RPGRIP1: variants seen among roughly 807,000 people sequenced by gnomAD.
RPGRIP1 encodes RPGR interacting protein 1.
A neutral mutation model predicts 157.9 loss-of-function variants in RPGRIP1; 128 were observed. That is an observed-to-expected ratio of 0.81 (90% confidence interval 0.70 to 0.94). RPGRIP1 has a LOEUF of 0.94. RPGRIP1 is among the 40% of genes least tolerant of loss of function. RPGRIP1 has a pLI of 0.00. For missense variants in RPGRIP1, 1,486 were observed against 1,545.8 expected (o/e 0.96, Z 0.65); for synonymous variants, 554 against 571.6 (o/e 0.97, Z 0.44).
rs768968296 is a variant in RPGRIP1, at chr14:21,326,137, C to G, written c.2674C>G (p.Pro892Ala). 7 of 1,584,758 alleles carry G rather than the reference C, an allele frequency of 4.4e-6. No individual in the cohort carries two copies. In the Admixed American group the frequency reaches 1.1e-4, roughly 24 times the overall value. Residue 892 changes from proline to alanine, a missense_variant, in exon 17 of 25, where the codon CCT becomes GCT. Physicochemically the swap from Pro to Ala is conservative, Grantham distance 27. Transcript: ENST00000400017. ...CTCGTATCTTGGCCGAGCCCGAGTG[C>G]CTTTACTGCCTCTTGCAAAAAATGA... The part of the protein sequence containing the change: ...PGSYLGRARV[P>A]LLPLAKNESI...
Position 21,348,296 on chromosome 14 carries a change from C to A in RPGRIP1, c.3742C>A (p.Leu1248Ile). The A allele has an allele frequency of 2.6e-6, 4 of 1,565,646 alleles. No individual in the cohort carries two copies. Among genetic ancestry groups the A allele is most frequent in the Non-Finnish European group, 3.4e-6 (4 of 1,160,078 alleles). Residue 1248 changes from leucine to isoleucine, a missense_variant, in exon 24 of 25, where the codon CTA (leucine) becomes ATA (isoleucine). By Grantham distance (5) the Leu-to-Ile change is conservative. Coordinates refer to ENST00000400017, the MANE Select transcript of RPGRIP1 (RefSeq NM_020366.4). Reference sequence around the variant, plus strand: ...AGGAAGAGATATTCTAGAGCAAGAGCTAGACAGTGAGTCATTTTTTTTTCA... The same window carrying A: ...AGGAAGAGATATTCTAGAGCAAGAGATAGACAGTGAGTCATTTTTTTTTCA... The part of the protein sequence containing the change: ...ESGRDILEQE[L>I]DIVSPEDLAT...
At position 21,348,289 on chromosome 14, in the gene RPGRIP1, G is replaced by A. The variant is rs1885769900; in HGVS notation, c.3735G>A (p.Glu1245=). 7.6e-6 allele frequency: 12 copies of A among 1,579,784 alleles called. No homozygotes were observed. The highest frequency in any genetic ancestry group is 9.4e-6 in the Non-Finnish European group (11 of 1,164,796). The part of the protein sequence containing the change: ...QILESGRDIL[E]QELDIVSPED... ...TGGAGTCAGGAAGAGATATTCTAGA[G>A]CAAGAGCTAGACAGTGAGTCATTTT... Residue 1245 remains glutamate, a synonymous_variant, in exon 24 of 25, where the codon GAG becomes GAA. Coordinates refer to ENST00000400017, the MANE Select transcript of RPGRIP1 (RefSeq NM_020366.4).
intron 11 of RPGRIP1, chr14:21,318,170 G>A (rs1184001499): frequency 3.0e-5 from 15 of 497,972 alleles, no homozygotes; most frequent in African/African-American, 9.6e-5. Flanking sequence ...GCAATGGCAC[G>A]ATTTCAGCTC....
intron 11 of RPGRIP1, chr14:21,318,301 G>T: frequency 3.0e-6 from 1 of 329,202 alleles, no homozygotes; most frequent in East Asian, 8.9e-5. Context: ...TAGTAGAGAT[G>T]GGGTTTTACC....
chr14:21,328,125 C>T (rs537007989), intron 18 of RPGRIP1, among the ~76,000 whole-genome samples: 15 of 152,018 alleles, frequency 9.9e-5, no homozygotes, highest in African/African-American at 2.2e-4. Context: ...GCCGAGATCA[C>T]GCCATTGCAC....
chr14:21,285,798 G>T (rs185640730), intron 1 of RPGRIP1, among the ~76,000 whole-genome samples: 6 of 152,012 alleles, frequency 3.9e-5, no homozygotes, highest in Admixed American at 3.9e-4. Flanking sequence ...GTAATGAAAA[G>T]CCATTTGGAG....
intron 3 of RPGRIP1, among the ~76,000 whole-genome samples, chr14:21,296,965 A>T (rs1880810100): frequency 6.6e-6 from 1 of 152,094 alleles, no homozygotes; most frequent in Non-Finnish European, 1.5e-5. Context: ...AAAAAAAAAA[A>T]AAAGTATTAA....
At chr14:21,290,492 A>C (rs1880478954) in intron 2 of RPGRIP1, among the ~76,000 whole-genome samples, 1 of 152,176 alleles carries the variant, frequency 6.6e-6, no homozygotes, top group African/African-American at 2.4e-5. Flanking sequence ...TGGTCAGAAC[A>C]GTGAAAACCC....
chr14:21,303,540 T>C lies in RPGRIP1; in HGVS notation c.797T>C (p.Leu266Pro). ...GAGTGTGCTCAGAAGGCTGCAGAGC[T>C]TCGGTAAGAGTGTGGCACTCCATGC... is the stretch of plus-strand genomic sequence containing the variant. The part of the protein sequence containing the change: ...SLECAQKAAE[L>P]RASIKEKVEL... The change falls in exon 6 of 25, where the codon CTT becomes CCT. Residue 266 changes from leucine to proline, a missense_variant. Coordinates refer to ENST00000400017, the MANE Select transcript of RPGRIP1 (RefSeq NM_020366.4). 1 of 1,612,712 alleles carries C rather than the reference T, an allele frequency of 6.2e-7. No individual in the cohort carries two copies. Among genetic ancestry groups the C allele is most frequent in the Non-Finnish European group, 8.5e-7 (1 of 1,179,128 alleles).
chr14:21,285,761 A>T (rs1205085664), intron 1 of RPGRIP1, among the ~76,000 whole-genome samples: 1 of 151,870 alleles, frequency 6.6e-6, no homozygotes. Flanking sequence ...CAGGCCCTGG[A>T]AAAAAAGTGT....
intron 1 of RPGRIP1, among the ~76,000 whole-genome samples, chr14:21,287,136 G>T (rs1248217199): frequency 6.6e-6 from 1 of 152,144 alleles, no homozygotes; most frequent in Non-Finnish European, 1.5e-5. Context: ...GGTGGCTCAC[G>T]CCTGTAATCC....
chr14:21,328,484 C>A lies in RPGRIP1; in HGVS notation c.2956C>A (p.Pro986Thr), dbSNP rs1394197890. 5 of 1,613,744 alleles carry A rather than the reference C, an allele frequency of 3.1e-6. No homozygotes were observed. The Admixed American group carries it at 8.3e-5, about 27-fold the overall frequency. Residue 986 changes from proline (P) to threonine (T), a missense_variant, in exon 19 of 25, where the codon CCT becomes ACT. Coordinates refer to ENST00000400017, the MANE Select transcript of RPGRIP1 (RefSeq NM_020366.4). ...TGGCCAGTATCGATCTAAGAGAAAA[C>A]CTCCTCATGGGGGAGAAAGAAAGGA... ...EAGQYRSKRK[P>T]PHGGERKEKE...
intron 5 of RPGRIP1, 24 bp from the exon 6 acceptor site, chr14:21,303,307 T>G (rs770896902): frequency 6.4e-7 from 1 of 1,564,112 alleles, no homozygotes; most frequent in Non-Finnish European, 8.8e-7. Context: ...AACAACAGTT[T>G]CTAAGTATCC....
At chr14:21,281,259 T>C (rs1023670385) in intron 1 of RPGRIP1, among the ~76,000 whole-genome samples, 1 of 152,134 alleles carries the variant, frequency 6.6e-6, no homozygotes, top group Non-Finnish European at 1.5e-5. Context: ...CTTGATCTTG[T>C]GATCTGCCCG....
rs760211909 is a variant in RPGRIP1 at position 21,303,485 on chromosome 14, G to C, written c.742G>C (p.Asp248His). The part of the protein sequence containing the change: ...PKSPEKMWPK[D>H]ENFEQRSSLE... Reference sequence around the variant, plus strand: ...GTCTCCTGAGAAAATGTGGCCTAAAGATGAAAATTTTGAACAGAGAAGCTC... The same window carrying C: ...GTCTCCTGAGAAAATGTGGCCTAAACATGAAAATTTTGAACAGAGAAGCTC... Residue 248 changes from aspartate to histidine, a missense_variant, in exon 6 of 25, where the codon GAT becomes CAT. Asp to His is a moderately conservative substitution (Grantham distance 81). Coordinates refer to ENST00000400017, the MANE Select transcript of RPGRIP1 (RefSeq NM_020366.4). 3.1e-6 allele frequency: 5 copies of C among 1,613,946 alleles called. No individual in the cohort carries two copies. Among genetic ancestry groups the C allele is most frequent in the Non-Finnish European group, 4.2e-6 (5 of 1,179,892 alleles).
At chr14:21,299,492 G>A (rs972801389) in intron 3 of RPGRIP1, among the ~76,000 whole-genome samples, 1 of 151,992 alleles carries the variant, frequency 6.6e-6, no homozygotes, top group Non-Finnish European at 1.5e-5. Context: ...TTTACACCTT[G>A]TTTTCTTTAT....
chr14:21,297,414 C>T (rs1484668333), intron 3 of RPGRIP1, among the ~76,000 whole-genome samples: 4 of 152,120 alleles, frequency 2.6e-5, no homozygotes, highest in African/African-American at 4.8e-5. Flanking sequence ...AAACTCTTAA[C>T]TTCAAAACAT....
chr14:21,334,550 TC>T, intron 20 of RPGRIP1, 54 bp from the exon 21 acceptor site: 1 of 1,258,716 alleles, frequency 7.9e-7, no homozygotes, highest in Non-Finnish European at 1.1e-6. Flanking sequence ...CTGGGTCTTT[TC>T]TTGGGCTAAA....
intron 1 of RPGRIP1, among the ~76,000 whole-genome samples, chr14:21,286,987 T>C (rs969743037): frequency 2.0e-5 from 3 of 148,566 alleles, no homozygotes; most frequent in Admixed American, 6.8e-5. Context: ...TGTGCCATTG[T>C]ACTCCAGCCT....
Sources: allele counts gnomAD v4.1 joint callset (sites outside exome capture counted in the v4.1 genomes callset), GRCh38; gene constraint gnomAD v4.1.1; transcripts MANE v1.5; gene names NCBI Gene and HGNC (gene_info 2026-07-23, HGNC 2026-07-21).